Variants in SND1 observed in about 807,000 individuals in gnomAD.
SND1 encodes staphylococcal nuclease domain-containing protein 1.
A neutral mutation model predicts 121.7 loss-of-function variants in SND1; 38 were observed. The observed-to-expected ratio is 0.31, with a 90% confidence interval of 0.24 to 0.41. The LOEUF (loss-of-function observed/expected upper bound fraction) is 0.41, where lower values mean the gene tolerates loss of function less well. Among genes scored for constraint, SND1 ranks in the 10% least tolerant of loss-of-function variants. The probability of loss-of-function intolerance (pLI) is 1.00; values close to 1 mark genes in which losing one functional copy is unlikely to be tolerated. For missense variants in SND1, 868 were observed against 1,184.6 expected (o/e 0.73, Z 3.92); for synonymous variants, 401 against 447.4 (o/e 0.90, Z 1.31).
At chr7:127,955,714 C>T (rs1392168505) in intron 15 of SND1, among the ~76,000 whole-genome samples, 4 of 152,188 alleles carry the variant, frequency 2.6e-5, no homozygotes, top group African/African-American at 7.2e-5. Context: ...TTTGCTCTGA[C>T]AGGATTCTGT....
At chr7:127,863,346 T>G (rs1799412769) in intron 12 of SND1, among the ~76,000 whole-genome samples, 1 of 152,176 alleles carries the variant, frequency 6.6e-6, no homozygotes. Flanking sequence ...ATTACAAATG[T>G]TCCATGGAAG....
chr7:128,042,898 A>G (rs1009815607), intron 16 of SND1, among the ~76,000 whole-genome samples: 1 of 152,218 alleles, frequency 6.6e-6, no homozygotes, highest in African/African-American at 2.4e-5. Context: ...GTTATTTGTT[A>G]TTAATGAGTT....
chr7:127,809,974 AAGTTG>A (rs1181040628), intron 11 of SND1, among the ~76,000 whole-genome samples: 24 of 152,158 alleles, frequency 1.6e-4, no homozygotes, highest in African/African-American at 5.8e-4. Flanking sequence ...TTCTCTCATG[AAGTTG>A]AGTTATGAGA....
chr7:127,753,902 G>C (rs1171677287), intron 10 of SND1, among the ~76,000 whole-genome samples: 1 of 152,158 alleles, frequency 6.6e-6, no homozygotes, highest in Non-Finnish European at 1.5e-5. Flanking sequence ...ATCTCAGTGA[G>C]GAAGTAAGAT....
intron 11 of SND1, 142 bp from the exon 12 acceptor site, chr7:127,844,182 C>A: frequency 2.0e-6 from 1 of 495,204 alleles, no homozygotes; most frequent in Non-Finnish European, 3.6e-6. Context: ...TCAGCTATTT[C>A]TTTTAATTGG....
At chr7:127,679,431 T>C (rs1158491901) in intron 1 of SND1, among the ~76,000 whole-genome samples, 2 of 152,226 alleles carry the variant, frequency 1.3e-5, no homozygotes, top group Non-Finnish European at 2.9e-5. Flanking sequence ...GTGTTGGACC[T>C]TAAAATTTTT....
At position 127,878,037 on chromosome 7, in the gene SND1, TCTACCAATG is replaced by T. The variant is rs550868240; in HGVS notation, c.1344-9864_1344-9856del. On this transcript the variant is annotated intron_variant, in intron 12 of 23. Coordinates refer to ENST00000354725, the MANE Select transcript of SND1 (RefSeq NM_014390.4). ...TCCCTTGTTTCTTTCATGCAGCATT[TCTACCAATG>T]TTGTTTATGGGTGTCCTTTGGTTTC... is the stretch of plus-strand genomic sequence containing the variant. Among the ~76,000 whole-genome samples, 216 of 152,282 alleles carry T rather than the reference TCTACCAATG, an allele frequency of 1.4e-3. 1 individual carries two copies. The South Asian group carries it at 0.019, about 13-fold the overall frequency.
chr7:127,862,978 G>T (rs1022486525), intron 12 of SND1, among the ~76,000 whole-genome samples: 3 of 152,128 alleles, frequency 2.0e-5, no homozygotes, highest in African/African-American at 7.2e-5. Context: ...TCTATATTTT[G>T]ATTTTTTTCT....
chr7:128,028,371 ATTTT>A (rs1803539746), intron 16 of SND1: 1 of 261,860 alleles, frequency 3.8e-6, no homozygotes, highest in Admixed American at 4.9e-5. Context: ...GTTTTAGTTT[ATTTT>A]ATCTCAGCAA....
At chr7:127,907,061 CCA>C (rs1800355698) in intron 14 of SND1, among the ~76,000 whole-genome samples, 2 of 152,124 alleles carry the variant, frequency 1.3e-5, no homozygotes, top group Admixed American at 6.5e-5. Flanking sequence ...CTCTCAGTCA[CCA>C]CATAAATAAA....
At chr7:127,804,445 T>G (rs1798195337) in intron 10 of SND1, among the ~76,000 whole-genome samples, 1 of 152,290 alleles carries the variant, frequency 6.6e-6, no homozygotes, top group East Asian at 1.9e-4. Flanking sequence ...TCCTGTGGAG[T>G]GTCTTAAAAG....
At chr7:127,850,192 T>C (rs1206721991) in intron 12 of SND1, among the ~76,000 whole-genome samples, 3 of 152,186 alleles carry the variant, frequency 2.0e-5, no homozygotes, top group Non-Finnish European at 2.9e-5. Context: ...CCTAGTTTGG[T>C]TTTTCTCAGT....
intron 15 of SND1, among the ~76,000 whole-genome samples, chr7:127,967,959 G>T (rs1350235971): frequency 6.6e-6 from 1 of 152,104 alleles, no homozygotes; most frequent in East Asian, 1.9e-4. Flanking sequence ...TTTCCCCCTG[G>T]ATGCTTATTA....
intron 1 of SND1, among the ~76,000 whole-genome samples, chr7:127,671,762 T>C (rs1484628551): frequency 6.6e-6 from 1 of 152,206 alleles, no homozygotes; most frequent in Non-Finnish European, 1.5e-5. Flanking sequence ...GCACTATAAC[T>C]CATGACTGAA....
chr7:127,923,263 A>G (rs909622169), intron 14 of SND1, among the ~76,000 whole-genome samples: 2 of 152,170 alleles, frequency 1.3e-5, no homozygotes, highest in Admixed American at 6.5e-5. Context: ...ACCCTGCCCA[A>G]TTATTGAAAG....
At chr7:127,812,554 A>C (rs1487132802) in intron 11 of SND1, among the ~76,000 whole-genome samples, 2 of 152,112 alleles carry the variant, frequency 1.3e-5, no homozygotes, top group African/African-American at 4.8e-5. Flanking sequence ...AGCATCAGGG[A>C]GAAAGGAAGG....
chr7:128,056,960 C>G (rs1793153494), intron 16 of SND1, among the ~76,000 whole-genome samples: 1 of 152,012 alleles, frequency 6.6e-6, no homozygotes, highest in African/African-American at 2.4e-5. Context: ...GATTTGGTTA[C>G]AGAGAGGGAG....
rs1405096344 is a variant in SND1, at chr7:128,029,551, T to C, written c.1779+38495T>C. On this transcript the variant is annotated intron_variant, in intron 16 of 23. Coordinates refer to ENST00000354725, the MANE Select transcript of SND1 (RefSeq NM_014390.4). The surrounding 1 kb of genome is among the most constrained non-coding windows in gnomAD (Gnocchi z 4.2). Reference sequence around the variant, plus strand: ...AGTTCTGCCATCCGACCCTCAGAAATGTTGAGGTCTCGAGGTGCGTCCATG... The same window carrying C: ...AGTTCTGCCATCCGACCCTCAGAAACGTTGAGGTCTCGAGGTGCGTCCATG... 1.9e-6 allele frequency: 3 copies of C among 1,613,724 alleles called. No homozygotes were observed. The highest frequency in any genetic ancestry group is 1.1e-5 in the South Asian group (1 of 91,066).
intron 10 of SND1, among the ~76,000 whole-genome samples, chr7:127,732,867 G>A (rs1427784196): frequency 6.6e-6 from 1 of 152,210 alleles, no homozygotes; most frequent in Non-Finnish European, 1.5e-5. Flanking sequence ...CATGCTCATG[G>A]TATGGCACAG....
Sources: gnomAD v4.1 joint callset for allele counts (sites outside exome capture counted in the v4.1 genomes callset) on GRCh38, gnomAD v4.1.1 for gene constraint, Gnocchi (gnomAD v3.1) non-coding constraint, MANE v1.5 for transcripts, NCBI Gene and HGNC (gene_info 2026-07-23, HGNC 2026-07-21) for gene names.